PLPPR1: variants seen among roughly 807,000 people sequenced by gnomAD.
PLPPR1 encodes phospholipid phosphatase related 1.
PLPPR1 carries 10 observed loss-of-function variants against 33.1 expected under a neutral mutation model. The ratio of observed to expected loss-of-function variants is 0.30; its 90% CI spans 0.19 to 0.51. The LOEUF is 0.51. Ranked by LOEUF, PLPPR1 falls within the 20% of genes least tolerant of loss-of-function variation. The pLI is 0.97. For missense variants in PLPPR1, 304 were observed against 408.1 expected (o/e 0.74, Z 2.20); for synonymous variants, 151 against 151.0 (o/e 1.00, Z 0.00).
At chr9:101,213,764 T>C (rs146341449) in intron 2 of PLPPR1, among the ~76,000 whole-genome samples, 2 of 152,224 alleles carry the variant, frequency 1.3e-5, no homozygotes, top group South Asian at 2.1e-4. Flanking sequence ...ACAAGGAAAA[T>C]ACACTGTGAA....
At chr9:101,083,476 A>G (rs1485643425) in intron 1 of PLPPR1, among the ~76,000 whole-genome samples, 1 of 152,156 alleles carries the variant, frequency 6.6e-6, no homozygotes, top group Non-Finnish European at 1.5e-5. Flanking sequence ...CTGTTATTAA[A>G]TCAAATGCAT....
chr9:101,183,239 T>C (rs1826148242), intron 1 of PLPPR1, among the ~76,000 whole-genome samples: 2 of 151,894 alleles, frequency 1.3e-5, no homozygotes, highest in South Asian at 4.2e-4. Context: ...AACCAAATAC[T>C]GGATATAGCC....
chr9:101,304,784 G>A (rs1828824883), intron 4 of PLPPR1, among the ~76,000 whole-genome samples: 1 of 152,148 alleles, frequency 6.6e-6, no homozygotes, highest in South Asian at 2.1e-4. Context: ...GAGCTCCTCA[G>A]CTCCAAGGAA....
At chr9:101,286,274 A>G (rs1421890863) in intron 4 of PLPPR1, 38 bp downstream of exon 4, 51 of 1,556,814 alleles carry the variant, frequency 3.3e-5, no homozygotes, top group Non-Finnish European at 4.2e-5. Flanking sequence ...CTCTCACATA[A>G]AAGTAAAATT....
intron 2 of PLPPR1, among the ~76,000 whole-genome samples, chr9:101,191,252 A>T (rs1435590202): frequency 6.6e-6 from 1 of 152,172 alleles, no homozygotes; most frequent in African/African-American, 2.4e-5. Flanking sequence ...GAGAAAATTG[A>T]CAATCTTTAA....
chr9:101,232,377 G>A (rs888221144), intron 2 of PLPPR1, among the ~76,000 whole-genome samples: 4 of 151,830 alleles, frequency 2.6e-5, no homozygotes, highest in African/African-American at 7.3e-5. Flanking sequence ...CTGGGCAACT[G>A]GGCATCATGA....
chr9:101,159,754 G>C (rs1266926900), intron 1 of PLPPR1, among the ~76,000 whole-genome samples: 1 of 152,150 alleles, frequency 6.6e-6, no homozygotes, highest in Non-Finnish European at 1.5e-5. Flanking sequence ...GAGCGCAAAG[G>C]GATATTGTGT....
chr9:101,144,517 G>A (rs10122076), intron 1 of PLPPR1, among the ~76,000 whole-genome samples: 346 of 152,210 alleles, frequency 2.3e-3, no homozygotes, highest in African/African-American at 7.9e-3. Context: ...ACAGACTAAG[G>A]GGTGACCATG....
intron 2 of PLPPR1, among the ~76,000 whole-genome samples, chr9:101,201,250 T>C (rs772125365): frequency 3.3e-5 from 5 of 152,200 alleles, no homozygotes; most frequent in Non-Finnish European, 7.4e-5. Context: ...ATCCCATCTC[T>C]CAATACTACC....
At chr9:101,093,554 T>C (rs1028521478) in intron 1 of PLPPR1, among the ~76,000 whole-genome samples, 9 of 152,212 alleles carry the variant, frequency 5.9e-5, no homozygotes, top group African/African-American at 2.2e-4. Context: ...CCTTGTCTGT[T>C]TTGATGCATC....
chr9:101,029,076 G>C lies in PLPPR1; in HGVS notation c.-72G>C, dbSNP rs1257466782. ...CGGGAGCCGGACGGCCCAGTAGGGCGCACTGGAGGACGCTCCGCTGCGGGA... is the reference window on the plus strand; with the variant it reads ...CGGGAGCCGGACGGCCCAGTAGGGCCCACTGGAGGACGCTCCGCTGCGGGA... On this transcript the variant is annotated 5_prime_UTR_variant, in exon 1 of 8. Coordinates refer to ENST00000374874, the MANE Select transcript of PLPPR1 (RefSeq NM_207299.2). The C allele has an allele frequency of 6.5e-6, 1 of 152,820 alleles. No individual in the cohort carries two copies. The highest frequency in any genetic ancestry group is 1.9e-4 in the East Asian group (1 of 5,174). 9.5% of individuals were successfully genotyped at this position (152,820 alleles called of 1,614,324 possible).
chr9:101,282,205 G>C (rs1322037962), intron 3 of PLPPR1, among the ~76,000 whole-genome samples: 3 of 152,070 alleles, frequency 2.0e-5, no homozygotes, highest in Admixed American at 2.0e-4. Flanking sequence ...CAGTTTAAAA[G>C]ACCATTTACC....
chr9:101,309,168 CA>C lies in PLPPR1; in HGVS notation c.386-42del, dbSNP rs538806422. ...TCTCTTAGGAGAAAAATGCAATTGA[CA>C]GAGTATGTTACCATTCCTAATGATT... is the stretch of plus-strand genomic sequence containing the variant. On this transcript the variant is annotated intron_variant, in intron 4 of 7. Transcript: ENST00000374874. 98 of 1,604,850 alleles carry C rather than the reference CA, an allele frequency of 6.1e-5. 2 individuals carry two copies. The Admixed American group carries it at 1.3e-3, about 22-fold the overall frequency.
intron 2 of PLPPR1, among the ~76,000 whole-genome samples, chr9:101,218,482 C>T (rs1275878212): frequency 6.6e-6 from 1 of 152,002 alleles, no homozygotes; most frequent in Non-Finnish European, 1.5e-5. Context: ...GGTACTTGAC[C>T]TATGACTCAG....
intron 1 of PLPPR1, among the ~76,000 whole-genome samples, chr9:101,158,940 A>G (rs1389664949): frequency 6.6e-6 from 1 of 152,186 alleles, no homozygotes; most frequent in Non-Finnish European, 1.5e-5. Flanking sequence ...GAGGCATGGC[A>G]TTGAATGGAC....
intron 2 of PLPPR1, among the ~76,000 whole-genome samples, chr9:101,233,148 T>G (rs1827225006): frequency 6.6e-6 from 1 of 152,002 alleles, no homozygotes; most frequent in African/African-American, 2.4e-5. Context: ...TGAACTGAAA[T>G]GTAACTGCTA....
chr9:101,082,012 T>A (rs1167876404), intron 1 of PLPPR1, among the ~76,000 whole-genome samples: 1 of 152,250 alleles, frequency 6.6e-6, no homozygotes, highest in Non-Finnish European at 1.5e-5. Context: ...CATCTTTAGA[T>A]ATTGAAGAGT....
intron 3 of PLPPR1, among the ~76,000 whole-genome samples, chr9:101,274,355 T>C (rs1828150688): frequency 6.6e-6 from 1 of 152,172 alleles, no homozygotes; most frequent in Non-Finnish European, 1.5e-5. Context: ...GAGACTCAAG[T>C]AGGTTAGATG....
intron 2 of PLPPR1, among the ~76,000 whole-genome samples, chr9:101,219,821 C>G (rs1175115476): frequency 6.6e-6 from 1 of 152,198 alleles, no homozygotes; most frequent in African/African-American, 2.4e-5. Context: ...CTCAGCTGGG[C>G]TCTTAGAACC....
Sources: allele counts gnomAD v4.1 joint callset (sites outside exome capture counted in the v4.1 genomes callset), GRCh38; gene constraint gnomAD v4.1.1; transcripts MANE v1.5; gene names NCBI Gene and HGNC (gene_info 2026-07-23, HGNC 2026-07-21).